Variants in TUSC3 observed in about 807,000 individuals in gnomAD.
TUSC3 encodes the protein dolichyl-diphosphooligosaccharide--protein glycosyltransferase subunit TUSC3.
In TUSC3, 45 loss-of-function variants were observed where a neutral mutation model predicts 44.8. The ratio of observed to expected loss-of-function variants is 1.00; its 90% confidence interval spans 0.79 to 1.29. The LOEUF is 1.29. Ranked by LOEUF, TUSC3 falls within the 50% of genes most tolerant of loss-of-function variation. The probability of loss-of-function intolerance (pLI) is 0.00; values close to 1 mark genes in which losing one functional copy is unlikely to be tolerated. For missense variants in TUSC3, 519 were observed against 437.9 expected (o/e 1.19, Z -1.65); for synonymous variants, 212 against 152.9 (o/e 1.39, Z -2.85).
intron 2 of TUSC3, among the ~76,000 whole-genome samples, chr8:15,514,073 A>T (rs1801178828): frequency 1.3e-5 from 2 of 152,128 alleles, no homozygotes; most frequent in South Asian, 4.1e-4. Flanking sequence ...TCTATGCGCC[A>T]CCACTTCCCA....
At chr8:15,722,070 G>C (rs186910112) in intron 6 of TUSC3, among the ~76,000 whole-genome samples, 2 of 152,048 alleles carry the variant, frequency 1.3e-5, no homozygotes, top group East Asian at 1.9e-4. Context: ...ATTCCCATTA[G>C]CTGTCTCACT....
intron 3 of TUSC3, among the ~76,000 whole-genome samples, chr8:15,658,663 T>C (rs1020961279): frequency 8.9e-4 from 104 of 116,680 alleles, no homozygotes; most frequent in African/African-American, 1.6e-3. Context: ...CACACACAAA[T>C]ACAATATATA....
the TUSC3 span, among the ~76,000 whole-genome samples, chr8:15,799,538 G>A: frequency 3.9e-5 from 6 of 152,282 alleles, 1 homozygote; most frequent in Admixed American, 6.5e-5. Context: ...GGTATTGTCA[G>A]CTGTGACCCC....
the TUSC3 span, among the ~76,000 whole-genome samples, chr8:15,848,351 A>C: frequency 6.6e-6 from 1 of 152,182 alleles, no homozygotes; most frequent in African/African-American, 2.4e-5. Flanking sequence ...ATAACAGAGG[A>C]GCTGGTTGGA....
intron 2 of TUSC3, among the ~76,000 whole-genome samples, chr8:15,500,992 A>G (rs1800956642): frequency 1.3e-5 from 2 of 152,220 alleles, no homozygotes; most frequent in Admixed American, 1.3e-4. Context: ...CTCTTTCTGT[A>G]TAGCTATAAT....
At chr8:15,846,451 C>G in the TUSC3 span, among the ~76,000 whole-genome samples, 1 of 152,030 alleles carries the variant, frequency 6.6e-6, no homozygotes, top group African/African-American at 2.4e-5. Flanking sequence ...TTCACAATAC[C>G]AAAGACTTAG....
At chr8:15,845,854 A>G in the TUSC3 span, among the ~76,000 whole-genome samples, 5 of 152,134 alleles carry the variant, frequency 3.3e-5, no homozygotes, top group Non-Finnish European at 7.4e-5. Context: ...GTACTGGTCC[A>G]TTTTATGCTG....
the TUSC3 span, among the ~76,000 whole-genome samples, chr8:15,776,740 A>G: frequency 6.6e-6 from 1 of 152,142 alleles, no homozygotes; most frequent in East Asian, 1.9e-4. Context: ...CAATTGTGCT[A>G]TATTCTACCA....
chr8:15,595,693 A>T (rs1804039260), intron 1 of TUSC3, among the ~76,000 whole-genome samples: 1 of 152,180 alleles, frequency 6.6e-6, no homozygotes. Flanking sequence ...TGATAAGAGA[A>T]ATGGGAGGAA....
At position 15,461,247 on chromosome 8, in the gene TUSC3, T is replaced by G. The variant is rs552388492; in HGVS notation, n.92-22139T>G. ...CTTGTAGAGGTCTTTCGCCTCCTTG[T>G]TTAGGTATATTCCTAAGTGTTTTGT... On this transcript the variant is annotated intron_variant and non_coding_transcript_variant, in intron 1 of 5. Coordinates refer to the TUSC3 transcript ENST00000503191. Among the ~76,000 whole-genome samples the G allele has an allele frequency of 1.4e-4, 22 of 152,140 alleles. 1 individual carries two copies. The highest frequency in any genetic ancestry group is 5.1e-4 in the African/African-American group (21 of 41,528).
chr8:15,717,624 T>TA (rs1163353115), intron 6 of TUSC3, among the ~76,000 whole-genome samples: 1 of 152,136 alleles, frequency 6.6e-6, no homozygotes, highest in Non-Finnish European at 1.5e-5. Flanking sequence ...TGTTTATAGT[T>TA]AACCATCTTT....
At chr8:15,684,719 T>C (rs1366428310) in intron 6 of TUSC3, among the ~76,000 whole-genome samples, 1 of 152,160 alleles carries the variant, frequency 6.6e-6, no homozygotes, top group Non-Finnish European at 1.5e-5. Flanking sequence ...CCACTCAAGC[T>C]AAGGCCACAG....
At chr8:15,603,150 A>C (rs189194449) in intron 1 of TUSC3, among the ~76,000 whole-genome samples, 1 of 151,824 alleles carries the variant, frequency 6.6e-6, no homozygotes, top group Admixed American at 6.6e-5. Flanking sequence ...ATGACTAGTT[A>C]ATTACCACTA....
intron 1 of TUSC3, among the ~76,000 whole-genome samples, chr8:15,473,542 T>G (rs964904431): frequency 6.6e-6 from 1 of 152,218 alleles, no homozygotes; most frequent in African/African-American, 2.4e-5. Flanking sequence ...GTAGGTTCTA[T>G]TTTCCATAAG....
chr8:15,424,809 GC>G (rs1799783936), intron 1 of TUSC3, among the ~76,000 whole-genome samples: 1 of 152,062 alleles, frequency 6.6e-6, no homozygotes, highest in Admixed American at 6.6e-5. Context: ...GAACCGGGAG[GC>G]AGAGGTTGCA....
At chr8:15,718,367 T>C (rs1032567974) in intron 6 of TUSC3, among the ~76,000 whole-genome samples, 5 of 152,132 alleles carry the variant, frequency 3.3e-5, no homozygotes, top group Middle Eastern at 3.2e-3. Flanking sequence ...GGTTGTAATA[T>C]TGATAGATGC....
At chr8:15,618,797 T>C (rs565756250) in intron 1 of TUSC3, among the ~76,000 whole-genome samples, 2 of 152,216 alleles carry the variant, frequency 1.3e-5, no homozygotes, top group Admixed American at 6.5e-5. Context: ...AGTAGCTTTG[T>C]TTACACCAGC....
chr8:15,735,891 G>GTTTTTTTTTTTTTTTTT (rs539526479), intron 7 of TUSC3, among the ~76,000 whole-genome samples: 1 of 147,224 alleles, frequency 6.8e-6, no homozygotes, highest in Non-Finnish European at 1.5e-5. Flanking sequence ...TTGTTTTTTT[G>GTTTTTTTTTTTTTTTTT]GTTTTTTTTT....
intron 2 of TUSC3, among the ~76,000 whole-genome samples, chr8:15,498,874 C>T (rs916868803): frequency 6.6e-6 from 1 of 152,208 alleles, no homozygotes; most frequent in African/African-American, 2.4e-5. Flanking sequence ...ATAGTCTAAT[C>T]AGTACAATGA....
Sources: gnomAD v4.1 joint callset for allele counts (sites outside exome capture counted in the v4.1 genomes callset) on GRCh38, gnomAD v4.1.1 for gene constraint, MANE v1.5 for transcripts, NCBI Gene and HGNC (gene_info 2026-07-23, HGNC 2026-07-21) for gene names.